PPP2R2B: variants seen among roughly 807,000 people sequenced by gnomAD.
PPP2R2B encodes the protein protein phosphatase 2 regulatory subunit Bbeta.
Under a neutral mutation model 46.0 loss-of-function variants are expected in PPP2R2B, and 5 were observed. The observed-to-expected ratio is 0.11, with a 90% confidence interval of 0.06 to 0.23. The LOEUF (loss-of-function observed/expected upper bound fraction) is 0.23. PPP2R2B is among the 10% of genes least tolerant of loss of function. PPP2R2B has a pLI of 1.00. For missense variants in PPP2R2B, 367 were observed against 575.0 expected, an observed-to-expected ratio of 0.64 and a Z score of 3.70; for synonymous variants, 215 against 206.7, an observed-to-expected ratio of 1.04 and a Z score of -0.34.
At chr5:146,902,573 C>G (rs1279077680) in intron 1 of PPP2R2B, among the ~76,000 whole-genome samples, 5 of 152,186 alleles carry the variant, frequency 3.3e-5, no homozygotes, top group African/African-American at 1.2e-4. Flanking sequence ...TATACAACTA[C>G]ACACGGCCTC....
intron 1 of PPP2R2B, among the ~76,000 whole-genome samples, chr5:146,899,623 A>T (rs1281318563): frequency 6.6e-6 from 1 of 152,168 alleles, no homozygotes; most frequent in African/African-American, 2.4e-5. Context: ...TTAAAGTATA[A>T]TAATAATAAA....
intron 2 of PPP2R2B, among the ~76,000 whole-genome samples, chr5:146,726,972 C>G (rs1458445677): frequency 1.3e-5 from 2 of 152,110 alleles, no homozygotes; most frequent in African/African-American, 4.8e-5. Flanking sequence ...GGAGGCGTTT[C>G]CATAAGAAGG....
chr5:147,030,400 T>C (rs1180813556), intron 1 of PPP2R2B, among the ~76,000 whole-genome samples: 1 of 152,196 alleles, frequency 6.6e-6, no homozygotes, highest in Non-Finnish European at 1.5e-5. Context: ...TCATATTTTC[T>C]ATGAAAATAT....
intron 2 of PPP2R2B, among the ~76,000 whole-genome samples, chr5:146,705,046 A>C (rs918012629): frequency 7.2e-5 from 11 of 152,194 alleles, no homozygotes; most frequent in African/African-American, 2.7e-4. Flanking sequence ...CTTAGGATCT[A>C]AACTCAAAGT....
rs549337675 is a variant in PPP2R2B, at chr5:147,007,985, T to A, written c.79+47680A>T. Among the ~76,000 whole-genome samples, 25 of 152,286 alleles carry A rather than the reference T, an allele frequency of 1.6e-4. No homozygotes were observed. In the East Asian group the frequency reaches 4.8e-3, roughly 29 times the overall value. On this transcript the variant is annotated intron_variant, in intron 1 of 8. Coordinates refer to the PPP2R2B transcript ENST00000336640. ...ACAATAGTCCATAAGGTTAATGTAA[T>A]GAAATGCTGAATCTTAAACTAAACT...
chr5:146,598,624 C>G (rs530827777), intron 8 of PPP2R2B, among the ~76,000 whole-genome samples: 2 of 152,302 alleles, frequency 1.3e-5, no homozygotes, highest in East Asian at 3.9e-4. Context: ...CTCTACTTTT[C>G]TAATTGCTCA....
intron 7 of PPP2R2B, among the ~76,000 whole-genome samples, chr5:146,632,061 G>GCT (rs1774459847): frequency 1.9e-5 from 2 of 103,998 alleles, no homozygotes; most frequent in African/African-American, 7.1e-5. Flanking sequence ...GCTGAGTTGT[G>GCT]CCCCCCCCCC....
At chr5:146,717,159 C>T (rs527556638) in intron 2 of PPP2R2B, among the ~76,000 whole-genome samples, 1 of 152,314 alleles carries the variant, frequency 6.6e-6, no homozygotes, top group Admixed American at 6.5e-5. Context: ...TTGCTATAGG[C>T]TTATAGCCTG....
chr5:147,003,190 C>T (rs1406817121), intron 1 of PPP2R2B, among the ~76,000 whole-genome samples: 1 of 152,088 alleles, frequency 6.6e-6, no homozygotes, highest in East Asian at 1.9e-4. Flanking sequence ...CACAGGAGGA[C>T]CTCTCAGCTT....
intron 1 of PPP2R2B, among the ~76,000 whole-genome samples, chr5:146,893,882 GAA>G (rs11341457): frequency 0.014 from 1,726 of 121,264 alleles, 30 homozygotes; most frequent in African/African-American, 0.035. Context: ...AAGTAAAATT[GAA>G]AAAAAAAAAA....
At chr5:146,674,958 T>C (rs1388986058) in intron 5 of PPP2R2B, among the ~76,000 whole-genome samples, 2 of 152,094 alleles carry the variant, frequency 1.3e-5, no homozygotes, top group African/African-American at 4.8e-5. Context: ...TGGTATTATA[T>C]TATTATTATT....
intron 7 of PPP2R2B, 119 bp downstream of exon 7, chr5:146,638,132 G>A (rs1226839313): frequency 1.0e-6 from 1 of 993,496 alleles, no homozygotes; most frequent in Non-Finnish European, 1.4e-6. Flanking sequence ...ACTCCCACTT[G>A]TAGTTTCTTT....
chr5:146,878,837 C>A, upstream of PPP2R2B: 1 of 1,240,604 alleles, frequency 8.1e-7, no homozygotes. The surrounding 1 kb of genome is among the most constrained non-coding windows in gnomAD (Gnocchi z 4.5). Context: ...TCTTTCCCAG[C>A]AGCAGTGGTG....
chr5:146,720,428 T>A (rs1780730368), intron 2 of PPP2R2B, among the ~76,000 whole-genome samples: 1 of 152,226 alleles, frequency 6.6e-6, no homozygotes, highest in South Asian at 2.1e-4. Context: ...GGGTAGAGGA[T>A]ATGGGACAAA....
rs368313981 is a variant in PPP2R2B at position 146,864,811 on chromosome 5, A to C, written c.70+13191T>G. Among the ~76,000 whole-genome samples, 315 of 152,244 alleles carry C rather than the reference A, an allele frequency of 2.1e-3. 1 individual carries two copies. The highest frequency in any genetic ancestry group is 6.9e-3 in the African/African-American group (287 of 41,538). Reference sequence around the variant, plus strand: ...TTTAAGAATTTTTTCTCTGATCTTCACCCCACATAAGTTTCCTAGGATAAA... The same window carrying C: ...TTTAAGAATTTTTTCTCTGATCTTCCCCCCACATAAGTTTCCTAGGATAAA... On this transcript the variant is annotated intron_variant, in intron 2 of 9. Transcript: ENST00000394411.
chr5:146,894,396 G>A (rs1356127243), intron 1 of PPP2R2B, among the ~76,000 whole-genome samples: 1 of 152,180 alleles, frequency 6.6e-6, no homozygotes, highest in Non-Finnish European at 1.5e-5. Flanking sequence ...AGAGCCTATT[G>A]TGATTTATAG....
At chr5:146,861,538 T>G (rs1561967365) in intron 2 of PPP2R2B, among the ~76,000 whole-genome samples, 1 of 152,220 alleles carries the variant, frequency 6.6e-6, no homozygotes, top group Non-Finnish European at 1.5e-5. Context: ...AGGTGAATAT[T>G]CGCTACATTA....
At chr5:146,687,424 C>G (rs1778576283) in intron 5 of PPP2R2B, among the ~76,000 whole-genome samples, 1 of 151,962 alleles carries the variant, frequency 6.6e-6, no homozygotes, top group Non-Finnish European at 1.5e-5. Context: ...TTTTAACACC[C>G]TTTGAGGTAG....
chr5:146,673,591 G>T (rs1270738493), intron 5 of PPP2R2B, among the ~76,000 whole-genome samples: 1 of 151,568 alleles, frequency 6.6e-6, no homozygotes, highest in Non-Finnish European at 1.5e-5. Context: ...CTGCATTTTT[G>T]GTGACTAATG....
Sources: gnomAD v4.1 joint callset for allele counts (sites outside exome capture counted in the v4.1 genomes callset) on GRCh38, gnomAD v4.1.1 for gene constraint, Gnocchi (gnomAD v3.1) non-coding constraint, MANE v1.5 for transcripts, NCBI Gene and HGNC (gene_info 2026-07-23, HGNC 2026-07-21) for gene names.